The following MAP4K3 variants were observed in gnomAD, a reference collection of about 807,000 sequenced individuals.
MAP4K3 encodes the protein MAPK/ERK kinase kinase kinase 3.
A neutral mutation model predicts 143.5 loss-of-function variants in MAP4K3; 94 were observed. The ratio of observed to expected loss-of-function variants is 0.65; its 90% CI spans 0.55 to 0.78. The LOEUF (loss-of-function observed/expected upper bound fraction) is 0.78, where lower values mean the gene tolerates loss of function less well. Ranked by LOEUF, MAP4K3 falls within the 30% of genes least tolerant of loss-of-function variation. MAP4K3 has a pLI of 0.00. For missense variants in MAP4K3, 1,077 were observed against 1,068.1 expected (o/e 1.01, Z -0.12); for synonymous variants, 416 against 347.2 (o/e 1.20, Z -2.20).
intron 31 of MAP4K3, among the ~76,000 whole-genome samples, chr2:39,257,509 A>G (rs1353303973): frequency 6.6e-6 from 1 of 152,144 alleles, no homozygotes; most frequent in Non-Finnish European, 1.5e-5. Flanking sequence ...AAGAAATGAT[A>G]TTATTTCAAG....
In MAP4K3 at chr2:39,390,834, G is replaced by A. The variant is rs192765346; in HGVS notation, c.97-12711C>T. On this transcript the variant is annotated intron_variant, in intron 1 of 33. Coordinates refer to ENST00000263881, the MANE Select transcript of MAP4K3 (RefSeq NM_003618.4). ...GATAGTTCAGGAAAACATCAATAAAGTAACTCAATCCACAACCTAAAAATC... is the reference window on the plus strand; with the variant it reads ...GATAGTTCAGGAAAACATCAATAAAATAACTCAATCCACAACCTAAAAATC... Among the ~76,000 whole-genome samples the A allele has an allele frequency of 3.8e-4, 58 of 151,696 alleles. No individual in the cohort carries two copies. The East Asian group carries it at 9.1e-3, about 24-fold the overall frequency.
intron 1 of MAP4K3, among the ~76,000 whole-genome samples, chr2:39,405,878 TAAAAC>T (rs1266801481): frequency 2.6e-5 from 4 of 151,028 alleles, no homozygotes; most frequent in Non-Finnish European, 5.9e-5. Flanking sequence ...TCTCAAAAAA[TAAAAC>T]AAAATAAAAA....
intron 2 of MAP4K3, among the ~76,000 whole-genome samples, chr2:39,367,700 A>G (rs1665963899): frequency 2.0e-5 from 3 of 152,162 alleles, no homozygotes; most frequent in Admixed American, 2.0e-4. Flanking sequence ...AACCTGGGCA[A>G]CATAGTGAGA....
chr2:39,270,372 AT>A (rs1359343258), intron 26 of MAP4K3, among the ~76,000 whole-genome samples: 3 of 152,212 alleles, frequency 2.0e-5, no homozygotes, highest in Non-Finnish European at 4.4e-5. Context: ...CCAGCACCCA[AT>A]TAACTGGAAT....
intron 22 of MAP4K3, among the ~76,000 whole-genome samples, chr2:39,281,078 A>G (rs956896497): frequency 6.6e-6 from 1 of 152,228 alleles, no homozygotes; most frequent in African/African-American, 2.4e-5. Flanking sequence ...TACTCAAGGT[A>G]CAAGAATGTT....
intron 1 of MAP4K3, among the ~76,000 whole-genome samples, chr2:39,378,547 T>C (rs945549469): frequency 6.6e-6 from 1 of 152,164 alleles, no homozygotes; most frequent in Non-Finnish European, 1.5e-5. Flanking sequence ...GCAGTCTAAC[T>C]CCACAGTCTG....
intron 15 of MAP4K3, among the ~76,000 whole-genome samples, chr2:39,301,037 G>T (rs1469050385): frequency 6.6e-6 from 1 of 152,052 alleles, no homozygotes; most frequent in African/African-American, 2.4e-5. Context: ...AATTCTAAAT[G>T]ACACTAAAAA....
chr2:39,404,931 G>T (rs981947864), intron 1 of MAP4K3, among the ~76,000 whole-genome samples: 2 of 152,090 alleles, frequency 1.3e-5, no homozygotes, highest in Admixed American at 6.6e-5. Context: ...GATTTCTGAG[G>T]TTTCTAACTC....
intron 15 of MAP4K3, among the ~76,000 whole-genome samples, chr2:39,306,482 A>G (rs1398479301): frequency 6.6e-6 from 1 of 152,114 alleles, no homozygotes; most frequent in Non-Finnish European, 1.5e-5. Flanking sequence ...CCTACTTCCA[A>G]TGTTGGTTCT....
chr2:39,389,196 T>G (rs1666587939), intron 1 of MAP4K3, among the ~76,000 whole-genome samples: 1 of 151,690 alleles, frequency 6.6e-6, no homozygotes, highest in South Asian at 2.1e-4. Flanking sequence ...AAAATAGAAT[T>G]TCTAGAAATA....
rs115224183 is a variant in MAP4K3 at position 39,292,437 on chromosome 2, G to A, written c.1271+336C>T. On this transcript the variant is annotated intron_variant, in intron 18 of 33. Coordinates refer to ENST00000263881, the MANE Select transcript of MAP4K3 (RefSeq NM_003618.4). ...TCACTCTTACCCCTGATCCCACCAT[G>A]TGCATACACTGAGGAAAGGCCACGT... is the stretch of plus-strand genomic sequence containing the variant. Among the ~76,000 whole-genome samples, 977 of 152,296 alleles carry A rather than the reference G, an allele frequency of 6.4e-3. 10 individuals are homozygous for A. Among genetic ancestry groups the A allele is most frequent in the African/African-American group, 0.023 (937 of 41,566 alleles).
Position 39,309,503 on chromosome 2 carries a change from A to C in MAP4K3, c.1014T>G (p.Phe338Leu), listed in dbSNP as rs1558638102. ...CTGTCTCCTTTCTTAAGGGTGGATCAAATTTCACTTGGCCAACTAAAAAAG... is the reference window on the plus strand; with the variant it reads ...CTGTCTCCTTTCTTAAGGGTGGATCCAATTTCACTTGGCCAACTAAAAAAG... ...RSEITFGQVK[F>L]DPPLRKETEP... Residue 338 changes from phenylalanine (F) to leucine (L), a missense_variant, in exon 14 of 34, where the codon TTT (phenylalanine) becomes TTG (leucine). Coordinates refer to ENST00000263881, the MANE Select transcript of MAP4K3 (RefSeq NM_003618.4). The C allele has an allele frequency of 6.3e-7, 1 of 1,590,272 alleles. No individual in the cohort carries two copies. Among genetic ancestry groups the C allele is most frequent in the African/African-American group, 1.4e-5 (1 of 73,458 alleles).
intron 1 of MAP4K3, among the ~76,000 whole-genome samples, chr2:39,432,913 G>A (rs4670936): frequency 0.96 from 145,698 of 152,226 alleles, 70,079 homozygotes; most frequent in East Asian, 1. Context: ...ACACACAAAG[G>A]TGAAAAAAAA....
At chr2:39,301,631 A>G (rs1485330394) in intron 15 of MAP4K3, among the ~76,000 whole-genome samples, 3 of 152,226 alleles carry the variant, frequency 2.0e-5, no homozygotes, top group Non-Finnish European at 4.4e-5. Flanking sequence ...CAGATGTGTC[A>G]TAAAAATACT....
At chr2:39,345,824 A>G (rs1210182750) in intron 3 of MAP4K3, among the ~76,000 whole-genome samples, 1 of 146,762 alleles carries the variant, frequency 6.8e-6, no homozygotes. Context: ...CGGGAGACTG[A>G]GGCAGGAGAA....
rs766264581 is a variant in MAP4K3 at position 39,332,001 on chromosome 2, A to T, written c.458-12T>A. On this transcript the variant is annotated splice_polypyrimidine_tract_variant and intron_variant, in intron 7 of 33. Coordinates refer to ENST00000263881, the MANE Select transcript of MAP4K3 (RefSeq NM_003618.4). The stretch of plus-strand genomic sequence containing the variant: ...TACTCCAAAATCAGCTATTAAAAAA[A>T]ATGAGAAACATTTAGGAAACTGAGA... 5.5e-5 allele frequency: 81 copies of T among 1,469,872 alleles called. No homozygotes were observed. The highest frequency in any genetic ancestry group is 6.7e-5 in the Non-Finnish European group (72 of 1,080,386). 91.1% of individuals were successfully genotyped at this position (1,469,872 alleles called of 1,614,324 possible). A position where few individuals can be genotyped will look rare whatever the true frequency, so the allele number is the denominator to read the frequency against.
intron 12 of MAP4K3, among the ~76,000 whole-genome samples, chr2:39,324,331 C>T (rs1279574799): frequency 6.6e-6 from 1 of 151,818 alleles, no homozygotes; most frequent in Non-Finnish European, 1.5e-5. Flanking sequence ...CGTTTGAACC[C>T]AGGAGGCAGA....
At chr2:39,435,138 T>A (rs1271952434) in intron 1 of MAP4K3, among the ~76,000 whole-genome samples, 1 of 152,292 alleles carries the variant, frequency 6.6e-6, no homozygotes, top group Non-Finnish European at 1.5e-5. Context: ...GTGACTTGCA[T>A]CCATCCACTT....
intron 15 of MAP4K3, among the ~76,000 whole-genome samples, chr2:39,300,869 C>A (rs1682476297): frequency 6.6e-6 from 1 of 152,206 alleles, no homozygotes; most frequent in Non-Finnish European, 1.5e-5. Context: ...GCTCCTTAAA[C>A]AATGGGAAAT....
Sources: allele counts gnomAD v4.1 joint callset (sites outside exome capture counted in the v4.1 genomes callset), GRCh38; gene constraint gnomAD v4.1.1; transcripts MANE v1.5; gene names NCBI Gene and HGNC (gene_info 2026-07-23, HGNC 2026-07-21).